FUT9: variants seen among roughly 807,000 people sequenced by gnomAD.
FUT9 encodes the protein 4-galactosyl-N-acetylglucosaminide 3-alpha-L-fucosyltransferase 9.
In FUT9, 15 loss-of-function variants were observed where a neutral mutation model predicts 29.7. The ratio of observed to expected loss-of-function variants is 0.51; its 90% CI spans 0.34 to 0.78. The LOEUF (loss-of-function observed/expected upper bound fraction) is 0.78. Ranked by LOEUF, FUT9 falls within the 30% of genes least tolerant of loss-of-function variation. FUT9 has a pLI of 0.01. For synonymous variants in FUT9, 169 were observed against 153.7 expected (o/e 1.10, Z -0.74); for missense variants, 319 against 425.4 (o/e 0.75, Z 2.20).
chr6:96,196,626 C>T (rs777192382), intron 2 of FUT9, among the ~76,000 whole-genome samples: 45 of 151,966 alleles, frequency 3.0e-4, no homozygotes, highest in Admixed American at 1.3e-3. Context: ...GCAGGAGAAT[C>T]GTTTGAACCC....
chr6:96,152,513 T>G (rs1772695896), intron 2 of FUT9, among the ~76,000 whole-genome samples: 1 of 152,216 alleles, frequency 6.6e-6, no homozygotes, highest in Non-Finnish European at 1.5e-5. Context: ...ACACGGCAAC[T>G]GCTCAATAAA....
chr6:96,094,918 A>G (rs1467563777), intron 1 of FUT9, among the ~76,000 whole-genome samples: 2 of 151,946 alleles, frequency 1.3e-5, no homozygotes, highest in African/African-American at 4.8e-5. Context: ...TTTAGCGGTG[A>G]TTTCTGAGAT....
At chr6:96,141,432 T>TA (rs1485356098) in intron 2 of FUT9, among the ~76,000 whole-genome samples, 3 of 152,028 alleles carry the variant, frequency 2.0e-5, no homozygotes, top group Non-Finnish European at 4.4e-5. Flanking sequence ...GTAAGTCCTG[T>TA]AAAAAAGACT....
At chr6:96,055,952 T>C (rs1254640361) in intron 1 of FUT9, among the ~76,000 whole-genome samples, 4 of 152,158 alleles carry the variant, frequency 2.6e-5, no homozygotes, top group Non-Finnish European at 5.9e-5. Context: ...GTTGAAACAA[T>C]TTATCAAAAT....
chr6:96,123,394 C>A (rs1436621152), intron 2 of FUT9, among the ~76,000 whole-genome samples: 4 of 152,118 alleles, frequency 2.6e-5, no homozygotes, highest in Non-Finnish European at 4.4e-5. Flanking sequence ...GGGAAGACTG[C>A]TAATATTATA....
At chr6:96,086,603 T>C (rs974274678) in intron 1 of FUT9, among the ~76,000 whole-genome samples, 4 of 152,196 alleles carry the variant, frequency 2.6e-5, no homozygotes, top group Non-Finnish European at 5.9e-5. Flanking sequence ...CCATTAGCTG[T>C]ATGATTTTCC....
At chr6:96,045,644 G>A (rs573548393) in intron 1 of FUT9, among the ~76,000 whole-genome samples, 1 of 152,270 alleles carries the variant, frequency 6.6e-6, no homozygotes, top group African/African-American at 2.4e-5. Context: ...AGAGGAAGTG[G>A]GGGAGTAGCC....
At chr6:96,190,991 T>C (rs987707365) in intron 2 of FUT9, among the ~76,000 whole-genome samples, 2 of 152,198 alleles carry the variant, frequency 1.3e-5, no homozygotes, top group Non-Finnish European at 2.9e-5. Context: ...CTCTGATTTT[T>C]AGAATTTTCA....
chr6:96,130,492 GA>G (rs1772221692), intron 2 of FUT9, among the ~76,000 whole-genome samples: 1 of 151,688 alleles, frequency 6.6e-6, no homozygotes, highest in Admixed American at 6.6e-5. Context: ...ATCCTTTTTT[GA>G]AAATATCTCT....
chr6:96,101,443 GGAGGCT>G (rs1489010134), intron 1 of FUT9, among the ~76,000 whole-genome samples: 2 of 151,872 alleles, frequency 1.3e-5, no homozygotes, highest in African/African-American at 4.8e-5. Flanking sequence ...CAGCTACTCA[GGAGGCT>G]GAGGCAGGAG....
At chr6:96,031,462 T>C (rs901412391) in intron 1 of FUT9, among the ~76,000 whole-genome samples, 5 of 151,478 alleles carry the variant, frequency 3.3e-5, no homozygotes, top group Non-Finnish European at 7.4e-5. Context: ...GTCAGACTAG[T>C]AAACATATAC....
At chr6:96,149,040 C>T (rs1282148692) in intron 2 of FUT9, among the ~76,000 whole-genome samples, 1 of 151,952 alleles carries the variant, frequency 6.6e-6, no homozygotes, top group Non-Finnish European at 1.5e-5. Context: ...CCTGTAATCC[C>T]AGCTACTCAG....
chr6:96,113,200 AATG>A lies in FUT9; in HGVS notation c.-97-836_-97-834del, dbSNP rs1392552829. 2.6e-5 allele frequency among the ~76,000 whole-genome samples: 4 copies of A among 152,122 alleles called. No homozygotes were observed. The East Asian group carries it at 7.7e-4, about 29-fold the overall frequency. ...ATAACCTAGAACATTCATTCTTTTT[AATG>A]ATATTTCCCTTATTATATATTGTAA... On this transcript the variant is annotated intron_variant, in intron 1 of 2. Coordinates refer to ENST00000302103, the MANE Select transcript of FUT9 (RefSeq NM_006581.4).
chr6:96,159,431 T>A (rs1462146244), intron 2 of FUT9, among the ~76,000 whole-genome samples: 2 of 152,074 alleles, frequency 1.3e-5, no homozygotes, highest in Non-Finnish European at 2.9e-5. Flanking sequence ...AAATAAGACA[T>A]GAGAAATTAG....
chr6:96,142,273 A>G (rs1467000265), intron 2 of FUT9, among the ~76,000 whole-genome samples: 1 of 152,230 alleles, frequency 6.6e-6, no homozygotes, highest in African/African-American at 2.4e-5. Flanking sequence ...TAAAGATAAG[A>G]GTAATCTCAT....
intron 1 of FUT9, among the ~76,000 whole-genome samples, chr6:96,084,925 G>T (rs1036439312): frequency 2.0e-5 from 3 of 151,938 alleles, no homozygotes; most frequent in Non-Finnish European, 4.4e-5. Flanking sequence ...TTATATAAAG[G>T]ATATTATGAT....
intron 2 of FUT9, among the ~76,000 whole-genome samples, chr6:96,166,615 T>A (rs1034154023): frequency 2.0e-5 from 3 of 152,196 alleles, no homozygotes; most frequent in Non-Finnish European, 4.4e-5. Context: ...ATACTTTTTT[T>A]AAAATGTGAC....
At chr6:96,104,678 C>T (rs1295725342) in intron 1 of FUT9, among the ~76,000 whole-genome samples, 2 of 152,014 alleles carry the variant, frequency 1.3e-5, no homozygotes, top group Admixed American at 6.6e-5. Flanking sequence ...TTACAGGCGC[C>T]TGCCATCACG....
chr6:96,107,965 TGCACGTCTCTCATG>T (rs935450236), intron 1 of FUT9, among the ~76,000 whole-genome samples: 1 of 148,546 alleles, frequency 6.7e-6, no homozygotes, highest in Non-Finnish European at 1.5e-5. Flanking sequence ...GTACAAATCA[TGCACGTCTCTCATG>T]GCCACTTTTT....
Sources: gnomAD v4.1 joint callset for allele counts (sites outside exome capture counted in the v4.1 genomes callset) on GRCh38, gnomAD v4.1.1 for gene constraint, MANE v1.5 for transcripts, NCBI Gene and HGNC (gene_info 2026-07-23, HGNC 2026-07-21) for gene names.